Variants in RNGTT observed in about 807,000 individuals in gnomAD.
RNGTT encodes the protein RNA guanylyltransferase and 5'-phosphatase.
In RNGTT, 33 loss-of-function variants were observed where a neutral mutation model predicts 79.3. The ratio of observed to expected loss-of-function variants is 0.42; its 90% CI spans 0.32 to 0.56. The LOEUF is 0.56. Ranked by LOEUF, RNGTT falls within the 20% of genes least tolerant of loss-of-function variation. RNGTT has a pLI of 0.17. For synonymous variants in RNGTT, 222 were observed against 235.9 expected, an observed-to-expected ratio of 0.94 and a Z score of 0.54; for missense variants, 497 against 739.1, an observed-to-expected ratio of 0.67 and a Z score of 3.80.
intron 6 of RNGTT, among the ~76,000 whole-genome samples, chr6:88,896,728 C>T (rs1293504078): frequency 2.0e-5 from 3 of 152,170 alleles, no homozygotes. Context: ...CTGCTGTTTA[C>T]AGTCAGAGAG....
At position 88,611,816 on chromosome 6, in the gene RNGTT, C is replaced by A. The variant is rs979829314; in HGVS notation, c.*903G>T. 6.6e-6 allele frequency: 1 copy of A among 152,598 alleles called. No homozygotes were observed. The highest frequency in any genetic ancestry group is 1.5e-5 in the Non-Finnish European group (1 of 68,044). The allele number at this position is 152,598 out of a possible 1,614,324, so 9.5% of individuals were successfully genotyped here. ...TTGTTCGAGAGAAGGAACACAACAT[C>A]GTTTGTATTTGATATCACTCCCATA... On this transcript the variant is annotated 3_prime_UTR_variant, in exon 16 of 16. Transcript: ENST00000369485.
At chr6:88,840,340 T>C (rs1369156833) in intron 11 of RNGTT, among the ~76,000 whole-genome samples, 1 of 152,116 alleles carries the variant, frequency 6.6e-6, no homozygotes, top group Non-Finnish European at 1.5e-5. Context: ...AAAACAATAA[T>C]AAGAACTGAA....
chr6:88,618,403 G>A (rs890050560), intron 14 of RNGTT, among the ~76,000 whole-genome samples: 15 of 152,032 alleles, frequency 9.9e-5, no homozygotes, highest in South Asian at 2.1e-4. Flanking sequence ...AAGAATGACC[G>A]GTATAAGGGA....
At position 88,620,609 on chromosome 6, in the gene RNGTT, T is replaced by A. The variant is rs189217031; in HGVS notation, c.1507-6214A>T. Among the ~76,000 whole-genome samples, 489 of 152,326 alleles carry A rather than the reference T, an allele frequency of 3.2e-3. 5 individuals are homozygous for A. Among genetic ancestry groups the A allele is most frequent in the African/African-American group, 0.011 (466 of 41,580 alleles). The stretch of plus-strand genomic sequence containing the variant: ...TGATGATAAACATCAGGTTGGTTTT[T>A]AATGTAGAGGTACAAAACGTAAGAA... On this transcript the variant is annotated intron_variant, in intron 14 of 15. Coordinates refer to ENST00000369485, the MANE Select transcript of RNGTT (RefSeq NM_003800.5).
At chr6:88,674,160 T>C (rs1019086637) in intron 14 of RNGTT, among the ~76,000 whole-genome samples, 2 of 152,220 alleles carry the variant, frequency 1.3e-5, no homozygotes, top group African/African-American at 2.4e-5. Flanking sequence ...TGATGAACTT[T>C]AGAGAACGTT....
intron 14 of RNGTT, among the ~76,000 whole-genome samples, chr6:88,674,360 C>T (rs946604979): frequency 2.6e-5 from 4 of 151,974 alleles, no homozygotes; most frequent in African/African-American, 9.7e-5. Context: ...CCAGCCTGGA[C>T]AACATGGTGA....
intron 6 of RNGTT, among the ~76,000 whole-genome samples, chr6:88,903,445 G>A (rs1375321526): frequency 6.6e-6 from 1 of 152,136 alleles, no homozygotes; most frequent in Non-Finnish European, 1.5e-5. Context: ...CTTAGAATGT[G>A]ATTGTTATTT....
Position 88,612,530 on chromosome 6 carries a change from C to T in RNGTT, c.*189G>A. 1 of 599,246 alleles carries T rather than the reference C, an allele frequency of 1.7e-6. No individual in the cohort carries two copies. Among genetic ancestry groups the T allele is most frequent in the Non-Finnish European group, 3.0e-6 (1 of 336,780 alleles). The allele number at this position is 599,246 out of a possible 1,614,324, so 37.1% of individuals were successfully genotyped here. A position where few individuals can be genotyped will look rare whatever the true frequency, so the allele number is the denominator to read the frequency against. ...AGATGTTTAAGTCCACGATGTATTG[C>T]AGCACTGAGGAAACGAATGCATCAA... On this transcript the variant is annotated 3_prime_UTR_variant, in exon 16 of 16. Transcript: ENST00000369485.
intron 13 of RNGTT, among the ~76,000 whole-genome samples, chr6:88,692,077 T>TA (rs1294424071): frequency 6.6e-6 from 1 of 152,160 alleles, no homozygotes; most frequent in Non-Finnish European, 1.5e-5. Flanking sequence ...TCAGCCAAGA[T>TA]AGAGTTACAA....
intron 13 of RNGTT, among the ~76,000 whole-genome samples, chr6:88,707,451 A>G (rs754425791): frequency 1.3e-5 from 2 of 152,030 alleles, no homozygotes; most frequent in Non-Finnish European, 2.9e-5. Flanking sequence ...CCTTCACCTG[A>G]AAGGAACATG....
At chr6:88,641,146 G>C (rs1773301244) in intron 14 of RNGTT, among the ~76,000 whole-genome samples, 1 of 151,950 alleles carries the variant, frequency 6.6e-6, no homozygotes, top group African/African-American at 2.4e-5. Context: ...TGAGACCAGA[G>C]TGGCCAAGAT....
chr6:88,943,289 T>C (rs887301966), intron 1 of RNGTT, among the ~76,000 whole-genome samples: 1 of 152,194 alleles, frequency 6.6e-6, no homozygotes, highest in African/African-American at 2.4e-5. Flanking sequence ...GTCTTCCCTA[T>C]CTCAGCAAAT....
At chr6:88,707,829 G>A (rs2127805441) in intron 13 of RNGTT, among the ~76,000 whole-genome samples, 1 of 151,030 alleles carries the variant, frequency 6.6e-6, no homozygotes, top group South Asian at 2.1e-4. Flanking sequence ...CATGATAAAT[G>A]CTATTACCCA....
chr6:88,730,292 C>T (rs1195914940), intron 13 of RNGTT, among the ~76,000 whole-genome samples: 1 of 152,122 alleles, frequency 6.6e-6, no homozygotes, highest in African/African-American at 2.4e-5. Flanking sequence ...CTGTAATAAC[C>T]ATTTTTCCCG....
At position 88,892,042 on chromosome 6, in the gene RNGTT, T is replaced by C. The variant is rs926026194; in HGVS notation, c.685-127A>G. ...ACAAATCTTAGCAAGTCAATATATC[T>C]AACAGAAACGGTCTGCTGTATAAAC... On this transcript the variant is annotated intron_variant, in intron 6 of 15. Coordinates refer to ENST00000369485, the MANE Select transcript of RNGTT (RefSeq NM_003800.5). 5 of 621,388 alleles carry C rather than the reference T, an allele frequency of 8.0e-6. No individual in the cohort carries two copies. In the East Asian group the frequency reaches 1.5e-4, roughly 18 times the overall value. 38.5% of individuals were successfully genotyped at this position (621,388 alleles called of 1,614,324 possible). A position where few individuals can be genotyped will look rare whatever the true frequency, so the allele number is the denominator to read the frequency against.
rs145834958 is a variant in RNGTT at position 88,708,821 on chromosome 6, A to T, written c.1440-30402T>A. Among the ~76,000 whole-genome samples, 311 of 152,158 alleles carry T rather than the reference A, an allele frequency of 2.0e-3. 2 individuals are homozygous for T. Among genetic ancestry groups the T allele is most frequent in the African/African-American group, 7.3e-3 (304 of 41,492 alleles). ...GTAAGAAAAGGGGTTTTTGAATCTGAACTATAAGTTACAGATTGTGACAAT... is the reference window on the plus strand; with the variant it reads ...GTAAGAAAAGGGGTTTTTGAATCTGTACTATAAGTTACAGATTGTGACAAT... On this transcript the variant is annotated intron_variant, in intron 13 of 15. Transcript: ENST00000369485.
chr6:88,844,243 A>G, intron 11 of RNGTT, 114 bp downstream of exon 11: 1 of 974,458 alleles, frequency 1.0e-6, no homozygotes, highest in East Asian at 2.6e-5. Context: ...ACCCAATTCG[A>G]GTATTTTCTG....
chr6:88,853,281 G>A (rs1048816046), intron 9 of RNGTT, among the ~76,000 whole-genome samples: 5 of 152,200 alleles, frequency 3.3e-5, no homozygotes, highest in African/African-American at 1.2e-4. Flanking sequence ...GCTGAGGCGG[G>A]TGGATCACGA....
At chr6:88,671,413 T>C (rs899826763) in intron 14 of RNGTT, among the ~76,000 whole-genome samples, 4 of 152,176 alleles carry the variant, frequency 2.6e-5, no homozygotes, top group Non-Finnish European at 4.4e-5. Flanking sequence ...GAAAGACCTC[T>C]ACAAGGAAAA....
Sources: gnomAD v4.1 joint callset for allele counts (sites outside exome capture counted in the v4.1 genomes callset) on GRCh38, gnomAD v4.1.1 for gene constraint, MANE v1.5 for transcripts, NCBI Gene and HGNC (gene_info 2026-07-23, HGNC 2026-07-21) for gene names.